Variants in EPAS1 observed in about 807,000 individuals in gnomAD.
EPAS1 encodes the protein endothelial PAS domain-containing protein 1.
Under a neutral mutation model 87.9 loss-of-function variants are expected in EPAS1, and 23 were observed. The observed-to-expected ratio is 0.26, with a 90% CI of 0.19 to 0.37. The LOEUF (loss-of-function observed/expected upper bound fraction) is 0.37, where lower values mean the gene tolerates loss of function less well. Ranked by LOEUF, EPAS1 falls within the 10% of genes least tolerant of loss-of-function variation. EPAS1 has a pLI of 1.00. For missense variants in EPAS1, 1,138 were observed against 1,120.7 expected (o/e 1.02, Z -0.22); for synonymous variants, 508 against 444.3 (o/e 1.14, Z -1.80).
chr2:46,359,019 C>T (rs1238502853), intron 4 of EPAS1, among the ~76,000 whole-genome samples: 1 of 151,932 alleles, frequency 6.6e-6, no homozygotes, highest in Non-Finnish European at 1.5e-5. Context: ...CCAGGACTTT[C>T]GGAGGCCAAG....
rs1210617960 is a variant in EPAS1 at position 46,380,954 on chromosome 2, C to A, written c.2045+237C>A. 6.6e-6 allele frequency among the ~76,000 whole-genome samples: 1 copy of A among 152,138 alleles called. No individual in the cohort carries two copies. Among genetic ancestry groups the A allele is most frequent in the African/African-American group, 2.4e-5 (1 of 41,434 alleles). On this transcript the variant is annotated intron_variant, in intron 12 of 15. Transcript: ENST00000263734. This position sits in a 1 kb window ranked among gnomAD's most constrained non-coding sequence, Gnocchi z 4.4. ...GGCAAAGAAGTGGCTTGTTGAGAGC[C>A]CTGTACCTCAGTGTCTCCCTTCGGA...
At chr2:46,324,090 G>A (rs558933185) in intron 1 of EPAS1, among the ~76,000 whole-genome samples, 12 of 152,278 alleles carry the variant, frequency 7.9e-5, no homozygotes, top group South Asian at 4.1e-4. Context: ...TTTTTGAGAC[G>A]GAGTCTCGTT....
At position 46,371,989 on chromosome 2, in the gene EPAS1, T is replaced by C. The variant is rs1684636305; in HGVS notation, c.886+2056T>C. On this transcript the variant is annotated intron_variant, in intron 7 of 15. Transcript: ENST00000263734. This position sits in a 1 kb window ranked among gnomAD's most constrained non-coding sequence, Gnocchi z 4.3. ...GGCATATAGAAAGGATTTTCCCTCT[T>C]GTTCTTCTTAGAACATCTTCAATCC... Among the ~76,000 whole-genome samples, 1 of 152,236 alleles carries C rather than the reference T, an allele frequency of 6.6e-6. No individual in the cohort carries two copies. Among genetic ancestry groups the C allele is most frequent in the Non-Finnish European group, 1.5e-5 (1 of 68,040 alleles).
At position 46,380,514 on chromosome 2, in the gene EPAS1, A is replaced by G. The variant is rs140658966; in HGVS notation, c.1842A>G (p.Lys614=). 102 of 1,614,032 alleles carry G rather than the reference A, an allele frequency of 6.3e-5. No individual in the cohort carries two copies. Among genetic ancestry groups the G allele is most frequent in the Middle Eastern group, 1.6e-4 (1 of 6,084 alleles). Residue 614 remains lysine, a synonymous_variant, in exon 12 of 16, where the codon AAA becomes AAG. Coordinates refer to ENST00000263734, the MANE Select transcript of EPAS1 (RefSeq NM_001430.5). The surrounding 1 kb of genome is among the most constrained non-coding windows in gnomAD (Gnocchi z 4.4). ...MSSIFFDAGS[K]ASLPPCCGQA... is the part of the protein sequence containing the mutation. ...CCATCTTCTTTGATGCCGGAAGCAA[A>G]GCATCCCTGCCACCGTGCTGTGGCC... is the stretch of plus-strand genomic sequence containing the variant.
intron 6 of EPAS1, among the ~76,000 whole-genome samples, chr2:46,368,955 G>T (rs1311397775): frequency 6.6e-6 from 1 of 152,132 alleles, no homozygotes; most frequent in Non-Finnish European, 1.5e-5. Context: ...ACAAAACAAA[G>T]GGTCCTAAGA....
In EPAS1 at chr2:46,378,050, C is replaced by A; in HGVS notation, c.1406C>A (p.Thr469Asn). The A allele has an allele frequency of 6.2e-7, 1 of 1,606,976 alleles. No homozygotes were observed. Among genetic ancestry groups the A allele is most frequent in the Non-Finnish European group, 8.5e-7 (1 of 1,177,910 alleles). The change falls in exon 10 of 16, where the codon ACC (threonine) becomes AAC (asparagine). Residue 469 changes from threonine to asparagine, a missense_variant. Coordinates refer to ENST00000263734, the MANE Select transcript of EPAS1 (RefSeq NM_001430.5). Reference protein sequence around the residue: ...VPQAAAPGSTTPSATSSSSSC... With the variant: ...VPQAAAPGSTNPSATSSSSSC... ...CAGGCAGCTGCCCCGGGCAGCACCACCCCCAGTGCCACCAGCAGCAGCAGC... is the reference window on the plus strand; with the variant it reads ...CAGGCAGCTGCCCCGGGCAGCACCAACCCCAGTGCCACCAGCAGCAGCAGC...
chr2:46,343,383 A>G (rs1683949504), intron 1 of EPAS1, among the ~76,000 whole-genome samples: 1 of 152,240 alleles, frequency 6.6e-6, no homozygotes, highest in South Asian at 2.1e-4. Context: ...GGTTGTGGGA[A>G]AGTATCAACA....
intron 13 of EPAS1, 77 bp downstream of exon 13, chr2:46,381,799 GT>G: frequency 1.2e-6 from 2 of 1,600,252 alleles, no homozygotes; most frequent in South Asian, 1.1e-5. Context: ...GGGTGGGGAT[GT>G]GGCCCTTCCA....
Position 46,378,653 on chromosome 2 carries a change from C to T in EPAS1, c.1444-4C>T. 7 of 1,613,498 alleles carry T rather than the reference C, an allele frequency of 4.3e-6. No homozygotes were observed. Among genetic ancestry groups the T allele is most frequent in the Non-Finnish European group, 5.9e-6 (7 of 1,179,442 alleles). Reference sequence around the variant, plus strand: ...ACTCTGTCCCCCTCCTTCCTGGCCCCTAGCCCAATAGCCCTGAAGACTATT... The same window carrying T: ...ACTCTGTCCCCCTCCTTCCTGGCCCTTAGCCCAATAGCCCTGAAGACTATT... On this transcript the variant is annotated splice_polypyrimidine_tract_variant and splice_region_variant and intron_variant, in intron 10 of 15. Transcript: ENST00000263734.
intron 1 of EPAS1, among the ~76,000 whole-genome samples, chr2:46,311,103 C>CACAGGTGGA (rs539644440): frequency 1.3e-5 from 2 of 152,190 alleles, no homozygotes; most frequent in Non-Finnish European, 2.9e-5. Flanking sequence ...TGGTCTCGAT[C>CACAGGTGGA]TCCTGACCTG....
chr2:46,351,924 G>A lies in EPAS1; in HGVS notation c.218-4227G>A, dbSNP rs1290063010. On this transcript the variant is annotated intron_variant, in intron 2 of 15. Transcript: ENST00000263734. ...CCAGGAAGTCCCACCCCACATGGGC[G>A]GTGCTGCCTGAAGGAAATGAGCGTT... 5.3e-5 allele frequency among the ~76,000 whole-genome samples: 8 copies of A among 152,282 alleles called. No individual in the cohort carries two copies. The South Asian group carries it at 1.2e-3, about 24-fold the overall frequency.
At chr2:46,342,312 C>G (rs1478972816) in intron 1 of EPAS1, among the ~76,000 whole-genome samples, 2 of 152,196 alleles carry the variant, frequency 1.3e-5, no homozygotes, top group Non-Finnish European at 2.9e-5. Context: ...CAGCCACAAG[C>G]CTCATAGAAG....
chr2:46,356,123 A>ACGGTGGGGGGGGG, intron 2 of EPAS1, 28 bp from the exon 3 acceptor site: 1 of 1,429,236 alleles, frequency 7.0e-7, no homozygotes, highest in Non-Finnish European at 9.7e-7. Context: ...ACATTCATGC[A>ACGGTGGGGGGGGG]AGCTGTCCCA....
At chr2:46,351,907 T>C (rs543713900) in intron 2 of EPAS1, among the ~76,000 whole-genome samples, 57 of 152,060 alleles carry the variant, frequency 3.7e-4, no homozygotes, top group Non-Finnish European at 7.1e-4. Flanking sequence ...GCCCAGGAAG[T>C]CCCACCCCAC....
chr2:46,298,232 A>G (rs1432328279), intron 1 of EPAS1, among the ~76,000 whole-genome samples: 1 of 151,974 alleles, frequency 6.6e-6, no homozygotes, highest in East Asian at 1.9e-4. Context: ...TGCCTTTGAA[A>G]ATCTCCCAGC....
intron 1 of EPAS1, among the ~76,000 whole-genome samples, chr2:46,323,887 T>A (rs924905067): frequency 6.6e-6 from 1 of 152,170 alleles, no homozygotes; most frequent in African/African-American, 2.4e-5. Context: ...TGGGTGTGAT[T>A]CTCCTGTCTT....
intron 10 of EPAS1, 35 bp downstream of exon 10, chr2:46,378,122 G>C (rs1425510193): frequency 1.9e-6 from 3 of 1,562,284 alleles, no homozygotes; most frequent in Non-Finnish European, 2.6e-6. Context: ...ACACAGAGAG[G>C]GCTCCGTATG....
In EPAS1 at chr2:46,360,906, G is replaced by C; in HGVS notation, c.595G>C (p.Val199Leu). The C allele has an allele frequency of 6.2e-7, 1 of 1,614,178 alleles. No individual in the cohort carries two copies. The highest frequency in any genetic ancestry group is 1.3e-5 in the African/African-American group (1 of 75,026). ...TWKVLHCTGQ[V>L]KVYNNCPPHN... ...TCAGGTCTTGCACTGCACGGGCCAG[G>C]TGAAAGTCTACAACAACTGCCCTCC... is the stretch of plus-strand genomic sequence containing the variant. Residue 199 changes from valine (V) to leucine (L), a missense_variant, in exon 6 of 16, where the codon GTG becomes CTG. This residue lies in a region of EPAS1 where 351 missense variants were observed against 417.1 expected (regional missense o/e 0.84). Transcript: ENST00000263734. This position sits in a 1 kb window ranked among gnomAD's most constrained non-coding sequence, Gnocchi z 4.5.
chr2:46,380,689 C>T lies in EPAS1; in HGVS notation c.2017C>T (p.Pro673Ser), dbSNP rs771309642. ...AGCGCCGTTGGGGCCCCCTGTCTCT[C>T]CACCCCATGTCTCCACCTTCAAGAC... ...GAAPLGPPVS[P>S]PHVSTFKTRS... Residue 673 changes from proline (P) to serine (S), a missense_variant, in exon 12 of 16, where the codon CCA (proline) becomes TCA (serine). Coordinates refer to ENST00000263734, the MANE Select transcript of EPAS1 (RefSeq NM_001430.5). The surrounding 1 kb of genome is among the most constrained non-coding windows in gnomAD (Gnocchi z 4.4). 4.3e-6 allele frequency: 7 copies of T among 1,613,246 alleles called. No homozygotes were observed. The highest frequency in any genetic ancestry group is 4.0e-5 in the African/African-American group (3 of 74,916).
Sources: gnomAD v4.1 joint callset for allele counts (sites outside exome capture counted in the v4.1 genomes callset) on GRCh38, gnomAD v4.1.1 for gene constraint, gnomAD v4.1.1 regional missense constraint, Gnocchi (gnomAD v3.1) non-coding constraint, MANE v1.5 for transcripts, NCBI Gene and HGNC (gene_info 2026-07-23, HGNC 2026-07-21) for gene names.